The following TRPM6 variants were observed in gnomAD, a reference collection of about 807,000 sequenced individuals.
TRPM6 encodes the protein transient receptor potential cation channel subfamily M member 6.
A neutral mutation model predicts 247.6 loss-of-function variants in TRPM6; 111 were observed. The ratio of observed to expected loss-of-function variants is 0.45; its 90% confidence interval spans 0.38 to 0.52. TRPM6 has a LOEUF of 0.52. TRPM6 is among the 20% of genes least tolerant of loss of function. The pLI, the probability that TRPM6 is intolerant of heterozygous loss-of-function variation, is 0.00. For synonymous variants in TRPM6, 892 were observed against 853.8 expected, an observed-to-expected ratio of 1.04 and a Z score of -0.78; for missense variants, 2,126 against 2,421.5, an observed-to-expected ratio of 0.88 and a Z score of 2.56.
chr9:74,747,749 C>T (rs1215217501), intron 31 of TRPM6, 140 bp downstream of exon 31: 2 of 696,340 alleles, frequency 2.9e-6, no homozygotes, highest in Non-Finnish European at 4.8e-6. Flanking sequence ...TTCTACTCTT[C>T]TACTGAACTT....
At chr9:74,814,678 G>T (rs1437759939) in intron 11 of TRPM6, among the ~76,000 whole-genome samples, 1 of 152,118 alleles carries the variant, frequency 6.6e-6, no homozygotes, top group Non-Finnish European at 1.5e-5. Flanking sequence ...GAAAATTAAA[G>T]TTGAGGCTCA....
Position 74,723,905 on chromosome 9 carries a change from AT to A in TRPM6, c.*707del, listed in dbSNP as rs1825227802. 2.0e-5 allele frequency: 3 copies of A among 147,290 alleles called. No individual in the cohort carries two copies. Among genetic ancestry groups the A allele is most frequent in the African/African-American group, 7.4e-5 (3 of 40,482 alleles). 9.1% of individuals were successfully genotyped at this position (147,290 alleles called of 1,614,324 possible). On this transcript the variant is annotated 3_prime_UTR_variant, in exon 39 of 39. Transcript: ENST00000360774. ...TATTATATATATAAAAATATATATA[AT>A]ATACATATTCCATATATATTATATA... is the stretch of plus-strand genomic sequence containing the variant.
rs527828452 is a variant in TRPM6, at chr9:74,879,276, G to A, written c.33+8548C>T. 9.3e-5 allele frequency among the ~76,000 whole-genome samples: 14 copies of A among 150,612 alleles called. No homozygotes were observed. In the South Asian group the frequency reaches 2.9e-3, roughly 31 times the overall value. On this transcript the variant is annotated intron_variant, in intron 1 of 38. Transcript: ENST00000360774. ...TGTGATGAAATAACCCAGTCAATGT[G>A]GTGTAATGATTTAAATACATATATT...
In TRPM6 at chr9:74,762,564, C is replaced by T; in HGVS notation, c.4107G>A (p.Val1369=). Residue 1369 remains valine, a synonymous_variant, in exon 26 of 39, where the codon GTG becomes GTA. Coordinates refer to ENST00000360774, the MANE Select transcript of TRPM6 (RefSeq NM_017662.5). ...CCTGTTCAGTTGCCAGCACATCTGG[C>T]ACAGAGGGTCTGGACAGAGGCAAGA... ...ETVLPLSRPS[V]PDVLATEQDI... is the part of the protein sequence containing the mutation. 6.2e-7 allele frequency: 1 copy of T among 1,614,150 alleles called. No homozygotes were observed. Among genetic ancestry groups the T allele is most frequent in the Non-Finnish European group, 8.5e-7 (1 of 1,180,026 alleles).
chr9:74,842,289 G>C lies in TRPM6; in HGVS notation c.207C>G (p.Thr69=). The change falls in exon 4 of 39, where the codon ACC becomes ACG. Residue 69 remains threonine (T), a synonymous_variant. Transcript: ENST00000360774. Reference sequence around the variant, plus strand: ...TTTCTTTACCCTTGGCAGCTGAGATGGTCCAGGAATAATCTATCCCAGCAT... The same window carrying C: ...TTTCTTTACCCTTGGCAGCTGAGATCGTCCAGGAATAATCTATCCCAGCAT... ...GDHAGIDYSW[T]ISAAKGKESE... is the part of the protein sequence containing the mutation. The C allele has an allele frequency of 6.2e-7, 1 of 1,614,000 alleles. No individual in the cohort carries two copies. The highest frequency in any genetic ancestry group is 8.5e-7 in the Non-Finnish European group (1 of 1,179,998).
intron 1 of TRPM6, among the ~76,000 whole-genome samples, chr9:74,885,599 C>T (rs979731778): frequency 6.6e-6 from 1 of 152,104 alleles, no homozygotes; most frequent in African/African-American, 2.4e-5. Context: ...TAATATCTTA[C>T]CTAACAGTGA....
intron 23 of TRPM6, among the ~76,000 whole-genome samples, chr9:74,777,116 C>G (rs942257613): frequency 6.6e-6 from 1 of 152,126 alleles, no homozygotes; most frequent in Non-Finnish European, 1.5e-5. Flanking sequence ...GTTTTCTGAA[C>G]CAGCAGCAGC....
intron 25 of TRPM6, among the ~76,000 whole-genome samples, chr9:74,764,478 C>T (rs754207015): frequency 3.3e-5 from 5 of 152,144 alleles, no homozygotes; most frequent in Non-Finnish European, 4.4e-5. Flanking sequence ...GGAACATCCA[C>T]GGTTGCCAGC....
Position 74,827,895 on chromosome 9 carries a change from T to G in TRPM6, c.724A>C (p.Asn242His). ...AGGATGAAGTGCGAGTGCATGCTGT[T>G]GAGTGTTGTGAGCTTGCTGAGGGGG... ...DNPLSKLTTL[N>H]SMHSHFILSD... is the part of the protein sequence containing the mutation. The change falls in exon 7 of 39, where the codon AAC becomes CAC. Residue 242 changes from asparagine to histidine, a missense_variant. By Grantham distance (68) the Asn-to-His change is moderately conservative (BLOSUM62 1). Transcript: ENST00000360774. 6.2e-7 allele frequency: 1 copy of G among 1,614,068 alleles called. No homozygotes were observed. The highest frequency in any genetic ancestry group is 8.5e-7 in the Non-Finnish European group (1 of 1,180,002).
At chr9:74,830,032 G>A (rs1829489484) in intron 6 of TRPM6, among the ~76,000 whole-genome samples, 1 of 152,138 alleles carries the variant, frequency 6.6e-6, no homozygotes, top group Non-Finnish European at 1.5e-5. Flanking sequence ...TCTGGAGGCT[G>A]ACATGGGAGG....
At chr9:74,786,865 C>T (rs1564013891) in intron 20 of TRPM6, among the ~76,000 whole-genome samples, 2 of 152,258 alleles carry the variant, frequency 1.3e-5, no homozygotes, top group African/African-American at 4.8e-5. Context: ...TAATCCAGTC[C>T]GACTACTGCT....
intron 23 of TRPM6, among the ~76,000 whole-genome samples, chr9:74,779,232 A>T (rs1471307789): frequency 6.6e-6 from 1 of 152,082 alleles, no homozygotes; most frequent in Non-Finnish European, 1.5e-5. Context: ...AACTGAGATC[A>T]CACCACTGCA....
At chr9:74,853,557 C>G (rs949533907) in intron 3 of TRPM6, among the ~76,000 whole-genome samples, 2 of 152,126 alleles carry the variant, frequency 1.3e-5, no homozygotes, top group Middle Eastern at 3.2e-3. Context: ...TATAACCTTA[C>G]CCCCAACCCT....
chr9:74,860,452 G>C (rs886897548), intron 1 of TRPM6, among the ~76,000 whole-genome samples: 3 of 152,022 alleles, frequency 2.0e-5, no homozygotes, highest in African/African-American at 7.2e-5. Context: ...ACTGCCTCTA[G>C]GTTTCAAGCG....
intron 25 of TRPM6, among the ~76,000 whole-genome samples, chr9:74,765,754 C>CA (rs1254343463): frequency 1.3e-5 from 2 of 152,206 alleles, no homozygotes; most frequent in African/African-American, 4.8e-5. Context: ...GTTTAGAACA[C>CA]ATCTCAAGTC....
chr9:74,744,281 A>T (rs1186870999), intron 31 of TRPM6, 136 bp from the exon 32 acceptor site: 2 of 937,628 alleles, frequency 2.1e-6, no homozygotes, highest in Non-Finnish European at 3.4e-6. Flanking sequence ...AGCTTGCCTA[A>T]TATTTTTTAA....
rs1375895585 is a variant in TRPM6, at chr9:74,863,058, G to GT, written c.34-4311dup. On this transcript the variant is annotated intron_variant, in intron 1 of 38. Coordinates refer to ENST00000360774, the MANE Select transcript of TRPM6 (RefSeq NM_017662.5). ...TTTGTTTTTTGTTTGGTTTTGTTTT[G>GT]TTTTTTTGAGACGGAGTTTCTCTCG... Among the ~76,000 whole-genome samples the GT allele has an allele frequency of 5.9e-5, 9 of 151,584 alleles. No homozygotes were observed. In the East Asian group the frequency reaches 1.8e-3, roughly 30 times the overall value.
At chr9:74,781,542 A>AAAAAG (rs2118920964) in intron 23 of TRPM6, among the ~76,000 whole-genome samples, 1 of 149,610 alleles carries the variant, frequency 6.7e-6, no homozygotes, top group Non-Finnish European at 1.5e-5. Context: ...ATCTCAAAAA[A>AAAAAG]AAAAAAAAAA....
rs754589736 is a variant in TRPM6 at position 74,785,770 on chromosome 9, G to T, written c.2919+104C>A. 1.5e-5 allele frequency: 19 copies of T among 1,292,116 alleles called. No homozygotes were observed. The South Asian group carries it at 1.8e-4, about 12-fold the overall frequency. The allele number at this position is 1,292,116 out of a possible 1,614,324, so 80.0% of individuals were successfully genotyped here. On this transcript the variant is annotated intron_variant, in intron 21 of 38. Transcript: ENST00000360774. The stretch of plus-strand genomic sequence containing the variant: ...GATCTCCTGACCTTGTGATCCGCCC[G>T]CCTTGGCCTCCCAAAGTGCTGGGAT...
Sources: allele counts gnomAD v4.1 joint callset (sites outside exome capture counted in the v4.1 genomes callset), GRCh38; gene constraint gnomAD v4.1.1; transcripts MANE v1.5; gene names NCBI Gene and HGNC (gene_info 2026-07-23, HGNC 2026-07-21).